MLIP: variants seen among roughly 807,000 people sequenced by gnomAD.
MLIP encodes the protein muscular LMNA interacting protein.
Under a neutral mutation model 84.8 loss-of-function variants are expected in MLIP, and 79 were observed. That is an observed-to-expected ratio of 0.93 (90% CI 0.78 to 1.12). The LOEUF (loss-of-function observed/expected upper bound fraction) is 1.12. Ranked by LOEUF, MLIP falls within the 50% of genes most tolerant of loss-of-function variation. The pLI is 0.00. For synonymous variants in MLIP, 504 were observed against 463.0 expected (o/e 1.09, Z -1.14); for missense variants, 1,257 against 1,160.6 (o/e 1.08, Z -1.21).
intron 12 of MLIP, among the ~76,000 whole-genome samples, chr6:54,253,358 T>G (rs749534735): frequency 6.6e-6 from 1 of 152,092 alleles, no homozygotes; most frequent in Non-Finnish European, 1.5e-5. Flanking sequence ...GAGGATGTGG[T>G]TGAACATAAA....
At position 54,134,428 on chromosome 6, in the gene MLIP, G is replaced by A. The variant is rs1264985165; in HGVS notation, c.646-2287G>A. 4.6e-5 allele frequency among the ~76,000 whole-genome samples: 7 copies of A among 151,890 alleles called. No homozygotes were observed. The East Asian group carries it at 1.2e-3, about 25-fold the overall frequency. ...TTTGCAAGTTAGAAAGGAATATGTTGCATATACTTATTAATATATTAAGAA... is the reference window on the plus strand; with the variant it reads ...TTTGCAAGTTAGAAAGGAATATGTTACATATACTTATTAATATATTAAGAA... On this transcript the variant is annotated intron_variant, in intron 3 of 13. Coordinates refer to ENST00000502396, the MANE Select transcript of MLIP (RefSeq NM_001281747.2).
upstream of MLIP, among the ~76,000 whole-genome samples, chr6:54,110,390 A>G (rs1769365157): frequency 6.6e-6 from 1 of 152,104 alleles, no homozygotes; most frequent in South Asian, 2.1e-4. Context: ...AGGCACTTAT[A>G]TTCTCTTTTG....
chr6:54,065,576 T>C (rs1766192857), intron 1 of MLIP, among the ~76,000 whole-genome samples: 2 of 100,896 alleles, frequency 2.0e-5, no homozygotes, highest in African/African-American at 5.1e-5. Context: ...TAATTCTAAA[T>C]GAGGTTACGG....
At chr6:54,260,026 G>A (rs1783278945) in intron 13 of MLIP, among the ~76,000 whole-genome samples, 1 of 151,742 alleles carries the variant, frequency 6.6e-6, no homozygotes, top group Non-Finnish European at 1.5e-5. Flanking sequence ...AAAAAATTAT[G>A]GAAAAGCCCT....
chr6:54,099,686 C>G (rs185870926), intron 1 of MLIP: 45 of 152,232 alleles, frequency 3.0e-4, no homozygotes, highest in African/African-American at 1.0e-3. Context: ...CCAGGGATAT[C>G]ACAGAGAGGT....
chr6:54,030,386 T>A (rs1010568975), intron 1 of MLIP, among the ~76,000 whole-genome samples: 2 of 152,182 alleles, frequency 1.3e-5, no homozygotes, highest in African/African-American at 2.4e-5. Flanking sequence ...AGAATTAATT[T>A]AAAAATCCCC....
At position 54,118,089 on chromosome 6, in the gene MLIP, T is replaced by C. The variant is rs549322912; in HGVS notation, c.97-3358T>C. Among the ~76,000 whole-genome samples, 10 of 152,280 alleles carry C rather than the reference T, an allele frequency of 6.6e-5. No individual in the cohort carries two copies. The South Asian group carries it at 1.9e-3, about 28-fold the overall frequency. The stretch of plus-strand genomic sequence containing the variant: ...GAAGAATAAGTGTTGTTAAAATGCC[T>C]CTAACACCCCAAGTGATCTACAGAT... On this transcript the variant is annotated intron_variant, in intron 1 of 13. Transcript: ENST00000502396.
intron 1 of MLIP, among the ~76,000 whole-genome samples, chr6:54,042,134 A>G (rs1764779552): frequency 6.6e-6 from 1 of 152,094 alleles, no homozygotes; most frequent in African/African-American, 2.4e-5. Flanking sequence ...GCAGTTCCCC[A>G]AGAGTTTTAC....
chr6:54,183,505 T>G (rs2150646654), intron 9 of MLIP, among the ~76,000 whole-genome samples: 1 of 152,166 alleles, frequency 6.6e-6, no homozygotes, highest in East Asian at 1.9e-4. Flanking sequence ...TCAGACAAAC[T>G]TCTGCTTGAT....
At chr6:54,178,907 G>T (rs1275618652) in intron 9 of MLIP, among the ~76,000 whole-genome samples, 1 of 152,104 alleles carries the variant, frequency 6.6e-6, no homozygotes, top group East Asian at 1.9e-4. Context: ...TATCTATTAG[G>T]TCTATTTGGT....
intron 5 of MLIP, among the ~76,000 whole-genome samples, chr6:54,153,808 C>T (rs1013773305): frequency 1.4e-5 from 2 of 147,720 alleles, no homozygotes; most frequent in South Asian, 2.1e-4. Context: ...GCCGAGATCG[C>T]GCCACTGCAC....
intron 11 of MLIP, among the ~76,000 whole-genome samples, chr6:54,222,083 TA>T (rs1367981860): frequency 6.6e-6 from 1 of 152,166 alleles, no homozygotes; most frequent in African/African-American, 2.4e-5. Flanking sequence ...AATTGACAAT[TA>T]AAAATTGTAT....
chr6:54,249,468 T>TC (rs1175067322), intron 12 of MLIP, among the ~76,000 whole-genome samples: 1 of 151,800 alleles, frequency 6.6e-6, no homozygotes, highest in Non-Finnish European at 1.5e-5. Context: ...TATAGCTAAT[T>TC]CTTTTTTTTT....
intron 11 of MLIP, among the ~76,000 whole-genome samples, chr6:54,214,546 G>A (rs1779716315): frequency 6.6e-6 from 1 of 152,148 alleles, no homozygotes; most frequent in Non-Finnish European, 1.5e-5. Context: ...TCCCAGCACA[G>A]TTCACACATT....
At chr6:54,054,726 T>C (rs1765556891) in intron 1 of MLIP, among the ~76,000 whole-genome samples, 1 of 152,228 alleles carries the variant, frequency 6.6e-6, no homozygotes, top group Non-Finnish European at 1.5e-5. Flanking sequence ...CTCTGGCAGC[T>C]TCCCGTTAAA....
chr6:54,234,535 T>C (rs1781236027), intron 12 of MLIP, among the ~76,000 whole-genome samples: 1 of 152,174 alleles, frequency 6.6e-6, no homozygotes, highest in Non-Finnish European at 1.5e-5. Flanking sequence ...TTTTCCTTGA[T>C]GATGCTGCAA....
Position 54,213,733 on chromosome 6 carries a change from A to AT in MLIP, c.2718+11500_2718+11501insT, listed in dbSNP as rs1256624602. On this transcript the variant is annotated intron_variant, in intron 11 of 13. Coordinates refer to ENST00000502396, the MANE Select transcript of MLIP (RefSeq NM_001281747.2). The stretch of plus-strand genomic sequence containing the variant: ...AAAAAAAAAAAAAAAAAAAAAAAAA[A>AT]AAACAACAAACAGCATATCTTGTAT... Among the ~76,000 whole-genome samples, 51 of 118,626 alleles carry AT rather than the reference A, an allele frequency of 4.3e-4. 3 individuals carry two copies. Among genetic ancestry groups the AT allele is most frequent in the African/African-American group, 1.8e-3 (50 of 27,508 alleles). The allele number at this position is 118,626 out of a possible 152,430, so 77.8% of individuals were successfully genotyped here.
At chr6:54,265,199 C>T (rs1474084220) in intron 13 of MLIP, among the ~76,000 whole-genome samples, 2 of 152,116 alleles carry the variant, frequency 1.3e-5, no homozygotes, top group Non-Finnish European at 2.9e-5. Flanking sequence ...ATTGTTCTAT[C>T]AGAGACATGT....
intron 1 of MLIP, among the ~76,000 whole-genome samples, chr6:54,062,186 A>G (rs1561901918): frequency 6.6e-6 from 1 of 152,138 alleles, no homozygotes; most frequent in African/African-American, 2.4e-5. Context: ...TATTAACAGT[A>G]TGTTTTTTTT....
Sources: gnomAD v4.1 joint callset for allele counts (sites outside exome capture counted in the v4.1 genomes callset) on GRCh38, gnomAD v4.1.1 for gene constraint, MANE v1.5 for transcripts, NCBI Gene and HGNC (gene_info 2026-07-23, HGNC 2026-07-21) for gene names.